PLCB1: variants seen among roughly 807,000 people sequenced by gnomAD.
The protein encoded by PLCB1 is phospholipase C beta 1.
Under a neutral mutation model 161.8 loss-of-function variants are expected in PLCB1, and 46 were observed. The observed-to-expected ratio is 0.28, with a 90% CI of 0.22 to 0.36. The LOEUF is 0.36. PLCB1 is among the 10% of genes least tolerant of loss of function. PLCB1 has a pLI of 1.00. For missense variants in PLCB1, 1,016 were observed against 1,472.5 expected, an observed-to-expected ratio of 0.69 and a Z score of 5.07; for synonymous variants, 517 against 503.7, an observed-to-expected ratio of 1.03 and a Z score of -0.35.
chr20:8,781,990 ATTGAATAG>A (rs1376922677), intron 27 of PLCB1, among the ~76,000 whole-genome samples: 1 of 152,206 alleles, frequency 6.6e-6, no homozygotes, highest in Non-Finnish European at 1.5e-5. Flanking sequence ...GCAACTCCAC[ATTGAATAG>A]AAGCCTTGGT....
intron 3 of PLCB1, among the ~76,000 whole-genome samples, chr20:8,428,394 A>G (rs1979883881): frequency 6.6e-6 from 1 of 151,890 alleles, no homozygotes; most frequent in African/African-American, 2.4e-5. Context: ...CTAATTTTTG[A>G]ATTTTTAGTA....
chr20:8,185,167 A>G (rs2051889908), intron 2 of PLCB1, among the ~76,000 whole-genome samples: 1 of 152,154 alleles, frequency 6.6e-6, no homozygotes, highest in African/African-American at 2.4e-5. Flanking sequence ...TTTATTATGC[A>G]TTGCTGGGAG....
At chr20:8,658,369 G>A (rs1383240881) in intron 8 of PLCB1, among the ~76,000 whole-genome samples, 169 bp from the exon 9 acceptor site, 1 of 152,098 alleles carries the variant, frequency 6.6e-6, no homozygotes, top group Non-Finnish European at 1.5e-5. Flanking sequence ...AGCCCATAGA[G>A]GTATAGAAAT....
intron 3 of PLCB1, among the ~76,000 whole-genome samples, chr20:8,422,205 T>C (rs1979566983): frequency 6.6e-6 from 1 of 152,224 alleles, no homozygotes; most frequent in Admixed American, 6.5e-5. Flanking sequence ...GTGAAGTTTA[T>C]AGAGCCAGAT....
intron 18 of PLCB1, among the ~76,000 whole-genome samples, chr20:8,732,769 T>C (rs948409541): frequency 7.7e-6 from 1 of 130,144 alleles, no homozygotes; most frequent in African/African-American, 2.7e-5. Context: ...AGATATTAGA[T>C]ATATTAGAAT....
intron 27 of PLCB1, among the ~76,000 whole-genome samples, chr20:8,778,619 TAAA>T (rs1485943370): frequency 6.6e-6 from 1 of 152,154 alleles, no homozygotes; most frequent in Non-Finnish European, 1.5e-5. Context: ...CAGAGGGACA[TAAA>T]TACATGCCCA....
At chr20:8,503,207 A>G (rs986791098) in intron 3 of PLCB1, among the ~76,000 whole-genome samples, 9 of 152,294 alleles carry the variant, frequency 5.9e-5, no homozygotes, top group South Asian at 2.1e-4. Context: ...CTAAATGCCA[A>G]TCTGGTCAAG....
intron 3 of PLCB1, among the ~76,000 whole-genome samples, chr20:8,596,691 G>C (rs1373527827): frequency 5.1e-5 from 6 of 116,510 alleles, no homozygotes; most frequent in African/African-American, 1.7e-4. Context: ...ATTACCTTGG[G>C]CAGTATGGCC....
At chr20:8,424,293 G>T (rs917082284) in intron 3 of PLCB1, among the ~76,000 whole-genome samples, 50 of 152,156 alleles carry the variant, frequency 3.3e-4, no homozygotes, top group African/African-American at 1.1e-3. Flanking sequence ...GTCATAGGAC[G>T]GGAATCCAGA....
intron 3 of PLCB1, among the ~76,000 whole-genome samples, chr20:8,496,262 G>A (rs551047665): frequency 3.3e-5 from 5 of 151,936 alleles, no homozygotes; most frequent in Non-Finnish European, 5.9e-5. Context: ...GGAGGCCGAG[G>A]TGGGTGGATG....
At chr20:8,588,377 G>C (rs1429711491) in intron 3 of PLCB1, among the ~76,000 whole-genome samples, 1 of 152,054 alleles carries the variant, frequency 6.6e-6, no homozygotes, top group African/African-American at 2.4e-5. Context: ...TATGCAACCA[G>C]GATTCATATT....
chr20:8,166,893 C>G (rs2051681303), intron 2 of PLCB1, among the ~76,000 whole-genome samples: 1 of 152,116 alleles, frequency 6.6e-6, no homozygotes, highest in African/African-American at 2.4e-5. Flanking sequence ...TAGCCCCTCC[C>G]CTGCTTCACC....
chr20:8,579,426 T>G (rs944752045), intron 3 of PLCB1, among the ~76,000 whole-genome samples: 61 of 152,316 alleles, frequency 4.0e-4, no homozygotes, highest in African/African-American at 1.4e-3. Context: ...AGCACGACCA[T>G]GCAGTCTACC....
chr20:8,482,029 T>C (rs1483058657), intron 3 of PLCB1, among the ~76,000 whole-genome samples: 1 of 152,044 alleles, frequency 6.6e-6, no homozygotes, highest in Non-Finnish European at 1.5e-5. Context: ...TAGTATGCCA[T>C]GTATTTATAG....
chr20:8,673,138 A>AAATG (rs1989992148), intron 9 of PLCB1, among the ~76,000 whole-genome samples: 1 of 151,728 alleles, frequency 6.6e-6, no homozygotes, highest in African/African-American at 2.4e-5. Flanking sequence ...ATAAATAAAT[A>AAATG]AATAAATAAA....
At chr20:8,373,726 A>G (rs1986979961) in intron 3 of PLCB1, among the ~76,000 whole-genome samples, 1 of 152,164 alleles carries the variant, frequency 6.6e-6, no homozygotes, top group Admixed American at 6.5e-5. Flanking sequence ...TAAAAAATTC[A>G]AGTCAGAATT....
At chr20:8,435,491 C>A (rs1980258477) in intron 3 of PLCB1, among the ~76,000 whole-genome samples, 1 of 152,152 alleles carries the variant, frequency 6.6e-6, no homozygotes, top group African/African-American at 2.4e-5. Flanking sequence ...CTTCTGGAGG[C>A]AATAGACTGT....
At chr20:8,454,242 CAG>C (rs1981199484) in intron 3 of PLCB1, among the ~76,000 whole-genome samples, 1 of 152,162 alleles carries the variant, frequency 6.6e-6, no homozygotes, top group African/African-American at 2.4e-5. Flanking sequence ...GTGACTGCAG[CAG>C]AGTCAGTGAT....
chr20:8,376,917 G>A (rs1295173271), intron 3 of PLCB1, among the ~76,000 whole-genome samples: 1 of 150,732 alleles, frequency 6.6e-6, no homozygotes, highest in South Asian at 2.1e-4. Context: ...GACAGAGCGA[G>A]ACTCCATCTC....
Sources: gnomAD v4.1 joint callset for allele counts (sites outside exome capture counted in the v4.1 genomes callset) on GRCh38, gnomAD v4.1.1 for gene constraint, MANE v1.5 for transcripts, NCBI Gene and HGNC (gene_info 2026-07-23, HGNC 2026-07-21) for gene names.